Variants in SMIM35 observed in about 807,000 individuals in gnomAD.
The protein encoded by SMIM35 is TMPRSS4 antisense RNA 1 (non-protein coding).
chr11:118,071,679 C>T (rs1427133335), intron 1 of SMIM35, among the ~76,000 whole-genome samples: 2 of 152,202 alleles, frequency 1.3e-5, no homozygotes, highest in Non-Finnish European at 2.9e-5. Context: ...ACCATAGGCT[C>T]TGCTGGCTGG....
intron 1 of SMIM35, among the ~76,000 whole-genome samples, chr11:118,040,642 C>G (rs561553510): frequency 6.6e-6 from 1 of 151,594 alleles, no homozygotes; most frequent in African/African-American, 2.4e-5. Flanking sequence ...AATTTGAATA[C>G]GTACACACAC....
intron 1 of SMIM35, among the ~76,000 whole-genome samples, chr11:118,079,786 G>T (rs113928731): frequency 1.3e-5 from 2 of 152,194 alleles, no homozygotes; most frequent in Admixed American, 6.5e-5. Context: ...TGCGGGCAGC[G>T]GGGTGCTGGG....
At chr11:118,028,450 C>T (rs1436362801) in intron 1 of SMIM35, among the ~76,000 whole-genome samples, 1 of 152,056 alleles carries the variant, frequency 6.6e-6, no homozygotes, top group African/African-American at 2.4e-5. Flanking sequence ...CTTTATGTGT[C>T]TCTCCCTTAG....
intron 1 of SMIM35, among the ~76,000 whole-genome samples, chr11:118,043,703 G>T (rs536167456): frequency 1.3e-5 from 2 of 151,914 alleles, no homozygotes; most frequent in South Asian, 4.2e-4. Flanking sequence ...CCAGCTACTC[G>T]GGAGGCTGAG....
intron 1 of SMIM35, among the ~76,000 whole-genome samples, chr11:118,076,213 A>G (rs1944681148): frequency 6.6e-6 from 1 of 152,216 alleles, no homozygotes; most frequent in Non-Finnish European, 1.5e-5. Context: ...TGGAGGTTGC[A>G]GTGAGCCAAG....
intron 1 of SMIM35, among the ~76,000 whole-genome samples, chr11:118,057,737 T>C (rs1006448814): frequency 3.2e-4 from 49 of 152,090 alleles, no homozygotes; most frequent in African/African-American, 1.1e-3. Context: ...AAGGAGCTGA[T>C]GAAATGAGAG....
At chr11:118,084,248 T>C (rs1375883892) in intron 1 of SMIM35, among the ~76,000 whole-genome samples, 1 of 152,138 alleles carries the variant, frequency 6.6e-6, no homozygotes, top group Non-Finnish European at 1.5e-5. Context: ...GATTCAGACC[T>C]AGGCTGCAGG....
At chr11:118,048,946 C>CTAAAA in intron 1 of SMIM35, among the ~76,000 whole-genome samples, 1 of 60,506 alleles carries the variant, frequency 1.7e-5, no homozygotes. Flanking sequence ...TGAAGAGCTG[C>CTAAAA]AAAAAAAAAA....
At chr11:118,010,589 T>C (rs563026973) in intron 4 of SMIM35, among the ~76,000 whole-genome samples, 27 of 152,326 alleles carry the variant, frequency 1.8e-4, no homozygotes, top group Admixed American at 1.4e-3. Context: ...GGAGGAAATG[T>C]GGCCACCTGC....
intron 1 of SMIM35, chr11:118,077,117 C>T (rs537458087): frequency 1.4e-5 from 8 of 583,726 alleles, no homozygotes; most frequent in African/African-American, 5.8e-5. Context: ...GCTTGCTCAG[C>T]GGACAAGGAT....
intron 1 of SMIM35, among the ~76,000 whole-genome samples, chr11:118,083,986 C>G (rs560068103): frequency 6.6e-6 from 1 of 152,114 alleles, no homozygotes; most frequent in Admixed American, 6.5e-5. Flanking sequence ...TGCAGTGAGC[C>G]GAGACAGCGC....
At chr11:118,048,592 AG>A (rs1347489356) in intron 1 of SMIM35, among the ~76,000 whole-genome samples, 1 of 105,418 alleles carries the variant, frequency 9.5e-6, no homozygotes, top group African/African-American at 3.4e-5. Context: ...GAAGGAAGGA[AG>A]GAAGCAAGGA....
chr11:118,042,082 A>G (rs9734037), intron 1 of SMIM35, among the ~76,000 whole-genome samples: 4 of 58,786 alleles, frequency 6.8e-5, no homozygotes, highest in African/African-American at 1.6e-4. Context: ...GAGAGAGAGA[A>G]AGAAAGACAA....
intron 1 of SMIM35, among the ~76,000 whole-genome samples, chr11:118,045,330 G>GCACACACACACACACACACA (rs34102097): frequency 0.01 from 1,519 of 146,086 alleles, 19 homozygotes; most frequent in East Asian, 0.061. Flanking sequence ...ATACACACAT[G>GCACACACACACACACACACA]CACACACACA....
At chr11:118,085,957 A>C (rs1945524374) in intron 1 of SMIM35, among the ~76,000 whole-genome samples, 1 of 152,252 alleles carries the variant, frequency 6.6e-6, no homozygotes, top group Admixed American at 6.5e-5. Flanking sequence ...TGCTTCCCCT[A>C]GGACAAAGAG....
chr11:118,026,936 G>A (rs2058278955), intron 1 of SMIM35, among the ~76,000 whole-genome samples: 1 of 151,136 alleles, frequency 6.6e-6, no homozygotes, highest in African/African-American at 2.4e-5. Context: ...CCCCACATAT[G>A]TTGCTACAGG....
At chr11:118,040,044 CAAAAAAAAA>C (rs35273108) in intron 1 of SMIM35, among the ~76,000 whole-genome samples, 1 of 102,234 alleles carries the variant, frequency 9.8e-6, no homozygotes, top group Non-Finnish European at 1.9e-5. Context: ...GACCTTATCT[CAAAAAAAAA>C]AAAAAAAAAA....
At chr11:118,061,707 G>A (rs1389708469) in intron 1 of SMIM35, among the ~76,000 whole-genome samples, 2 of 152,088 alleles carry the variant, frequency 1.3e-5, no homozygotes, top group Admixed American at 6.5e-5. Context: ...GCTGGACACC[G>A]ATTAGCTTGG....
intron 1 of SMIM35, among the ~76,000 whole-genome samples, chr11:118,035,790 G>A (rs376724424): frequency 1.3e-5 from 2 of 152,246 alleles, no homozygotes; most frequent in Admixed American, 6.5e-5. Context: ...CAGGTGCTAA[G>A]TGTGCAGCCG....
Sources: allele counts gnomAD v4.1 joint callset (sites outside exome capture counted in the v4.1 genomes callset), GRCh38; gene constraint gnomAD v4.1.1; transcripts MANE v1.5; gene names NCBI Gene and HGNC (gene_info 2026-07-23, HGNC 2026-07-21).